Variants in SLC1A1 observed in about 807,000 individuals in gnomAD.
The protein encoded by SLC1A1 is excitatory amino acid transporter 3.
In SLC1A1, 43 loss-of-function variants were observed where a neutral mutation model predicts 53.3. That is an observed-to-expected ratio of 0.81 (90% CI 0.63 to 1.04). The LOEUF (loss-of-function observed/expected upper bound fraction) is 1.04, where lower values mean the gene tolerates loss of function less well. Ranked by LOEUF, SLC1A1 falls within the 50% of genes least tolerant of loss-of-function variation. The probability of loss-of-function intolerance (pLI) is 0.00; values close to 1 mark genes in which losing one functional copy is unlikely to be tolerated. For synonymous variants in SLC1A1, 307 were observed against 243.2 expected, an observed-to-expected ratio of 1.26 and a Z score of -2.44; for missense variants, 748 against 664.9, an observed-to-expected ratio of 1.12 and a Z score of -1.37.
At chr9:4,500,802 CT>C (rs1244334570) in intron 1 of SLC1A1, among the ~76,000 whole-genome samples, 1 of 152,176 alleles carries the variant, frequency 6.6e-6, no homozygotes, top group Non-Finnish European at 1.5e-5. Context: ...TGCTGACTGC[CT>C]GTTCCGTTAC....
rs1181522406 is a variant in SLC1A1 at position 4,498,790 on chromosome 9, A to T, written c.91+8020A>T. 2.7e-5 allele frequency among the ~76,000 whole-genome samples: 4 copies of T among 150,756 alleles called. No individual in the cohort carries two copies. The East Asian group carries it at 7.8e-4, about 29-fold the overall frequency. On this transcript the variant is annotated intron_variant, in intron 1 of 11. Transcript: ENST00000262352. Reference sequence around the variant, plus strand: ...GAAATTTGGGAGTTGCTAGTGAGTTAAGTTCATCTGCAAAAAAATATATAT... The same window carrying T: ...GAAATTTGGGAGTTGCTAGTGAGTTTAGTTCATCTGCAAAAAAATATATAT...
intron 1 of SLC1A1, among the ~76,000 whole-genome samples, chr9:4,511,849 GACTA>G (rs1175904125): frequency 6.6e-6 from 1 of 152,120 alleles, no homozygotes; most frequent in Non-Finnish European, 1.5e-5. Flanking sequence ...TAAATTTTAA[GACTA>G]ATAAGTGATT....
At chr9:4,538,247 C>T (rs760429042) in intron 1 of SLC1A1, among the ~76,000 whole-genome samples, 7 of 152,250 alleles carry the variant, frequency 4.6e-5, no homozygotes, top group Non-Finnish European at 8.8e-5. Flanking sequence ...AGATATCAAT[C>T]AGTACATGTA....
rs764683317 is a variant in SLC1A1, at chr9:4,573,978, G to T, written c.839G>T (p.Arg280Leu). 5.0e-6 allele frequency: 8 copies of T among 1,613,490 alleles called. No homozygotes were observed. In the East Asian group the frequency reaches 1.6e-4, roughly 31 times the overall value. ...IIEVEDWEIF[R>L]KLGLYMATVL... ...GAAGTTGAAGACTGGGAAATATTCCGCAAGCTGGGCCTTTACATGGCCACA... is the reference window on the plus strand; with the variant it reads ...GAAGTTGAAGACTGGGAAATATTCCTCAAGCTGGGCCTTTACATGGCCACA... Residue 280 changes from arginine to leucine, a missense_variant, in exon 8 of 12, where the codon CGC becomes CTC. Arg to Leu is a moderately radical substitution (Grantham distance 102). Coordinates refer to ENST00000262352, the MANE Select transcript of SLC1A1 (RefSeq NM_004170.6).
At chr9:4,513,813 A>G (rs905770233) in intron 1 of SLC1A1, among the ~76,000 whole-genome samples, 3 of 152,198 alleles carry the variant, frequency 2.0e-5, no homozygotes, top group Non-Finnish European at 4.4e-5. Flanking sequence ...ATTCTTCAAT[A>G]AGTAAATAAA....
At chr9:4,525,405 C>A (rs887197375) in intron 1 of SLC1A1, among the ~76,000 whole-genome samples, 3 of 152,016 alleles carry the variant, frequency 2.0e-5, no homozygotes, top group Admixed American at 1.3e-4. Flanking sequence ...ACTCCTAAGT[C>A]CCCAGAAAAA....
At position 4,549,815 on chromosome 9, in the gene SLC1A1, G is replaced by C. The variant is rs190054979; in HGVS notation, c.232+5108G>C. Among the ~76,000 whole-genome samples, 1 of 152,162 alleles carries C rather than the reference G, an allele frequency of 6.6e-6. No homozygotes were observed. Among genetic ancestry groups the C allele is most frequent in the African/African-American group, 2.4e-5 (1 of 41,436 alleles). ...CCTGCTGGGTTATTGCAACCACCCT[G>C]CTTGTAGAACCTGGGAGTCTGTCCA... is the stretch of plus-strand genomic sequence containing the variant. On this transcript the variant is annotated intron_variant, in intron 2 of 11. Transcript: ENST00000262352. The surrounding 1 kb of genome is among the most constrained non-coding windows in gnomAD (Gnocchi z 4.1).
At chr9:4,516,820 G>C (rs1042473080) in intron 1 of SLC1A1, among the ~76,000 whole-genome samples, 2 of 152,146 alleles carry the variant, frequency 1.3e-5, no homozygotes, top group Non-Finnish European at 2.9e-5. Context: ...GGAACTTAGG[G>C]TCAGAGAAGT....
intron 11 of SLC1A1, among the ~76,000 whole-genome samples, chr9:4,584,547 A>C (rs1166419959): frequency 6.6e-6 from 1 of 152,154 alleles, no homozygotes; most frequent in African/African-American, 2.4e-5. Context: ...GGTCATGTGT[A>C]AGCATTGTCA....
chr9:4,544,661 G>C lies in SLC1A1; in HGVS notation c.186G>C (p.Met62Ile), dbSNP rs778725439. 2 of 1,613,708 alleles carry C rather than the reference G, an allele frequency of 1.2e-6. No individual in the cohort carries two copies. The highest frequency in any genetic ancestry group is 1.7e-6 in the Non-Finnish European group (2 of 1,179,662). Residue 62 changes from methionine (M) to isoleucine (I), a missense_variant, in exon 2 of 12, where the codon ATG becomes ATC. Transcript: ENST00000262352. ...FAFPGEILMR[M>I]LKLIILPLII... ...TTCCTGGAGAAATTCTAATGCGGATGCTGAAACTCATCATTTTGCCATTAA... is the reference window on the plus strand; with the variant it reads ...TTCCTGGAGAAATTCTAATGCGGATCCTGAAACTCATCATTTTGCCATTAA...
intron 10 of SLC1A1, among the ~76,000 whole-genome samples, chr9:4,578,661 G>C (rs11791930): frequency 0.35 from 53,712 of 152,072 alleles, 10,126 homozygotes; most frequent in Middle Eastern, 0.49. Flanking sequence ...GTGAAATGAG[G>C]ATAGACATTG....
At chr9:4,514,985 G>A (rs767527883) in intron 1 of SLC1A1, among the ~76,000 whole-genome samples, 15 of 151,902 alleles carry the variant, frequency 9.9e-5, no homozygotes, top group Non-Finnish European at 1.6e-4. Flanking sequence ...TCAAGCAGCC[G>A]GGGCTCCTGT....
intron 2 of SLC1A1, among the ~76,000 whole-genome samples, chr9:4,553,123 C>T (rs1818071595): frequency 6.6e-6 from 1 of 152,106 alleles, no homozygotes; most frequent in African/African-American, 2.4e-5. Context: ...TCTCACTGAG[C>T]CATTAGCTAG....
intron 1 of SLC1A1, among the ~76,000 whole-genome samples, chr9:4,532,492 G>A (rs1313638438): frequency 6.6e-6 from 1 of 152,152 alleles, no homozygotes; most frequent in Non-Finnish European, 1.5e-5. Context: ...ATGAAATGAA[G>A]TGAGAAGAGA....
At chr9:4,584,277 T>C (rs1821388083) in intron 11 of SLC1A1, among the ~76,000 whole-genome samples, 1 of 152,246 alleles carries the variant, frequency 6.6e-6, no homozygotes, top group Non-Finnish European at 1.5e-5. Flanking sequence ...GGCCCCTCAG[T>C]AGCTAACTGG....
rs938526236 is a variant in SLC1A1 at position 4,558,290 on chromosome 9, C to T, written c.233-3159C>T. Among the ~76,000 whole-genome samples, 9 of 152,138 alleles carry T rather than the reference C, an allele frequency of 5.9e-5. 1 individual carries two copies. The highest frequency in any genetic ancestry group is 5.2e-4 in the Admixed American group (8 of 15,272). ...GCCTGGACTTGGGGGCCAGCTCTGC[C>T]CCCATGTTGATGACTAGAGAGGTAG... On this transcript the variant is annotated intron_variant, in intron 2 of 11. Coordinates refer to ENST00000262352, the MANE Select transcript of SLC1A1 (RefSeq NM_004170.6).
rs773524222 is a variant in SLC1A1 at position 4,585,441 on chromosome 9, C to T, written c.1458C>T (p.Ala486=). 4 of 1,614,178 alleles carry T rather than the reference C, an allele frequency of 2.5e-6. No individual in the cohort carries two copies. The East Asian group carries it at 8.9e-5, about 36-fold the overall frequency. ...AAGTCAACATTGTGAATCCCTTTGCCTTGGAATCCACAATCCTTGACAACG... is the reference window on the plus strand; with the variant it reads ...AAGTCAACATTGTGAATCCCTTTGCTTTGGAATCCACAATCCTTGACAACG... The part of the protein sequence containing the change: ...SSEVNIVNPF[A]LESTILDNED... The change falls in exon 12 of 12, where the codon GCC becomes GCT. Residue 486 remains alanine (A), a synonymous_variant. Coordinates refer to ENST00000262352, the MANE Select transcript of SLC1A1 (RefSeq NM_004170.6).
At chr9:4,510,509 A>G (rs35815316) in intron 1 of SLC1A1, among the ~76,000 whole-genome samples, 42,538 of 152,056 alleles carry the variant, frequency 0.28, 6,011 homozygotes, top group South Asian at 0.37. Flanking sequence ...AGATACCATA[A>G]GAGTCTAGAA....
Position 4,522,935 on chromosome 9 carries a change from C to A in SLC1A1, c.92-21632C>A, listed in dbSNP as rs1023688094. ...GCCAAACCATATCACCATCCTAGTACTGGCTGCAGCTTCCTTTAATTACTG... is the reference window on the plus strand; with the variant it reads ...GCCAAACCATATCACCATCCTAGTAATGGCTGCAGCTTCCTTTAATTACTG... On this transcript the variant is annotated intron_variant, in intron 1 of 11. Coordinates refer to ENST00000262352, the MANE Select transcript of SLC1A1 (RefSeq NM_004170.6). Among the ~76,000 whole-genome samples, 5 of 152,176 alleles carry A rather than the reference C, an allele frequency of 3.3e-5. No homozygotes were observed. The East Asian group carries it at 9.6e-4, about 29-fold the overall frequency.
Sources: gnomAD v4.1 joint callset for allele counts (sites outside exome capture counted in the v4.1 genomes callset) on GRCh38, gnomAD v4.1.1 for gene constraint, Gnocchi (gnomAD v3.1) non-coding constraint, MANE v1.5 for transcripts, NCBI Gene and HGNC (gene_info 2026-07-23, HGNC 2026-07-21) for gene names.